Variants in GRM5 observed in about 807,000 individuals in gnomAD.
GRM5 encodes the protein glutamate metabotropic receptor 5.
In GRM5, 19 loss-of-function variants were observed where a neutral mutation model predicts 83.1. The ratio of observed to expected loss-of-function variants is 0.23; its 90% CI spans 0.16 to 0.34. The LOEUF (loss-of-function observed/expected upper bound fraction) is 0.34, where lower values mean the gene tolerates loss of function less well. GRM5 is among the 10% of genes least tolerant of loss of function. GRM5 has a pLI of 1.00. For missense variants in GRM5, 1,160 were observed against 1,588.3 expected (o/e 0.73, Z 4.58); for synonymous variants, 675 against 633.6 (o/e 1.07, Z -0.98).
rs765640373 is a variant in GRM5 at position 88,508,814 on chromosome 11, C to A, written c.3417G>T (p.Ala1139=). 3.9e-6 allele frequency: 6 copies of A among 1,525,868 alleles called. No homozygotes were observed. The highest frequency in any genetic ancestry group is 2.7e-5 in the East Asian group (1 of 37,470). The allele number at this position is 1,525,868 out of a possible 1,614,324, so 94.5% of individuals were successfully genotyped here. A position where few individuals can be genotyped will look rare whatever the true frequency, so the allele number is the denominator to read the frequency against. ...PAAGAQAAGD[A]ARESPAAGPE... ...GACCGGCCGCGGGGCTCTCCCGGGC[C>A]GCGTCCCCAGCCGCCTGCGCCCCTG... The change falls in exon 10 of 10, where the codon GCG becomes GCT. Residue 1139 remains alanine, a synonymous_variant. Coordinates refer to ENST00000305447, the MANE Select transcript of GRM5 (RefSeq NM_001143831.3). This position sits in a 1 kb window ranked among gnomAD's most constrained non-coding sequence, Gnocchi z 4.2.
intron 9 of GRM5, among the ~76,000 whole-genome samples, chr11:88,525,013 C>G (rs745876245): frequency 2.6e-5 from 4 of 152,122 alleles, no homozygotes; most frequent in African/African-American, 9.7e-5. Context: ...ACTCCAGAAC[C>G]GTTTGACCAA....
intron 3 of GRM5, among the ~76,000 whole-genome samples, chr11:88,825,110 T>TA (rs1201365226): frequency 6.6e-6 from 1 of 152,180 alleles, no homozygotes; most frequent in Non-Finnish European, 1.5e-5. Context: ...TTCTTTTTTT[T>TA]AGTTTTTCAT....
chr11:88,548,521 A>C lies in GRM5; in HGVS notation c.2630+18532T>G, dbSNP rs1054794822. ...GAGTGTTTTAGATGCAATTCATCAA[A>C]ATCATCCAGACATAGTCTTTAATAG... is the stretch of plus-strand genomic sequence containing the variant. On this transcript the variant is annotated intron_variant, in intron 8 of 9. Transcript: ENST00000305447. 2.0e-5 allele frequency among the ~76,000 whole-genome samples: 3 copies of C among 152,212 alleles called. No homozygotes were observed. In the East Asian group the frequency reaches 5.8e-4, roughly 29 times the overall value.
chr11:88,998,172 A>G (rs79627561), intron 2 of GRM5, among the ~76,000 whole-genome samples: 5,192 of 152,150 alleles, frequency 0.034, 262 homozygotes, highest in African/African-American at 0.12. Flanking sequence ...TATAACCACA[A>G]AAGTTTTTAA....
intron 2 of GRM5, among the ~76,000 whole-genome samples, chr11:88,914,797 G>A (rs1489450924): frequency 6.6e-6 from 1 of 152,000 alleles, no homozygotes; most frequent in Non-Finnish European, 1.5e-5. Flanking sequence ...AATCATAATA[G>A]GTATTTTTCT....
At chr11:88,851,276 G>T (rs1170682425) in intron 2 of GRM5, among the ~76,000 whole-genome samples, 1 of 152,104 alleles carries the variant, frequency 6.6e-6, no homozygotes, top group Non-Finnish European at 1.5e-5. Flanking sequence ...AGATATATAA[G>T]GGGGATTGCT....
At chr11:89,065,184 A>G (rs1168209806) in intron 1 of GRM5, among the ~76,000 whole-genome samples, 6 of 151,418 alleles carry the variant, frequency 4.0e-5, no homozygotes, top group African/African-American at 1.5e-4. Context: ...GGGGTGAAGC[A>G]CCAGCAACTG....
intron 8 of GRM5, among the ~76,000 whole-genome samples, chr11:88,536,645 C>T (rs370363276): frequency 8.5e-5 from 13 of 152,238 alleles, no homozygotes; most frequent in South Asian, 6.2e-4. Flanking sequence ...CTCAGCTTTT[C>T]GACCTCAGGT....
At chr11:89,004,191 C>T (rs1269671382) in intron 2 of GRM5, among the ~76,000 whole-genome samples, 1 of 152,156 alleles carries the variant, frequency 6.6e-6, no homozygotes, top group African/African-American at 2.4e-5. Flanking sequence ...TAACAACTTT[C>T]TCTTAAATGC....
intron 2 of GRM5, among the ~76,000 whole-genome samples, chr11:88,956,356 G>A (rs1938612099): frequency 6.6e-6 from 1 of 152,190 alleles, no homozygotes; most frequent in South Asian, 2.1e-4. Context: ...GAATTATTTT[G>A]TTGCAAGTAT....
chr11:88,666,243 G>GTAAT (rs1193205211), intron 3 of GRM5, among the ~76,000 whole-genome samples: 1 of 152,170 alleles, frequency 6.6e-6, no homozygotes, highest in African/African-American at 2.4e-5. Context: ...CCACAACTGG[G>GTAAT]TAATTTATAA....
chr11:88,580,096 C>T lies in GRM5; in HGVS notation c.1690+10505G>A, dbSNP rs114713878. On this transcript the variant is annotated intron_variant, in intron 7 of 9. Transcript: ENST00000305447. ...TTATTGGTCTTACCTAATGAAAGAA[C>T]GGGTTTATTATCAGATGAAATGTAA... Among the ~76,000 whole-genome samples, 1,127 of 152,158 alleles carry T rather than the reference C, an allele frequency of 7.4e-3. 11 individuals carry two copies. The highest frequency in any genetic ancestry group is 0.026 in the African/African-American group (1,088 of 41,500).
At chr11:88,673,792 A>T (rs564059321) in intron 3 of GRM5, among the ~76,000 whole-genome samples, 1 of 151,920 alleles carries the variant, frequency 6.6e-6, no homozygotes, top group Non-Finnish European at 1.5e-5. Flanking sequence ...AGTAGAAAAC[A>T]TGAACCCAGG....
chr11:88,748,075 G>A (rs1054637002), intron 3 of GRM5, among the ~76,000 whole-genome samples: 3 of 152,152 alleles, frequency 2.0e-5, no homozygotes, highest in Non-Finnish European at 4.4e-5. Flanking sequence ...GGCAAGGGAA[G>A]CAGTAAGTGA....
At chr11:88,815,359 A>C (rs1943658146) in intron 3 of GRM5, among the ~76,000 whole-genome samples, 1 of 152,240 alleles carries the variant, frequency 6.6e-6, no homozygotes, top group Admixed American at 6.5e-5. Context: ...AATGAAAATC[A>C]GAAGATATTT....
intron 3 of GRM5, among the ~76,000 whole-genome samples, chr11:88,694,921 C>T (rs2135364762): frequency 6.6e-6 from 1 of 152,268 alleles, no homozygotes; most frequent in African/African-American, 2.4e-5. Context: ...ACATGAAAAA[C>T]TGAGATCTTC....
intron 3 of GRM5, among the ~76,000 whole-genome samples, chr11:88,778,278 C>T (rs1391559831): frequency 6.6e-6 from 1 of 152,250 alleles, no homozygotes; most frequent in Non-Finnish European, 1.5e-5. Flanking sequence ...GGGAGAGAAT[C>T]ACCTTGTCTG....
chr11:89,010,763 T>C (rs1297652213), intron 2 of GRM5, among the ~76,000 whole-genome samples: 2 of 150,634 alleles, frequency 1.3e-5, no homozygotes, highest in South Asian at 2.1e-4. Flanking sequence ...AATGGGAGAA[T>C]AGTTATTAGA....
intron 3 of GRM5, among the ~76,000 whole-genome samples, chr11:88,725,848 C>CA (rs1477668989): frequency 6.7e-6 from 1 of 149,860 alleles, no homozygotes; most frequent in African/African-American, 2.4e-5. Flanking sequence ...TCAACATCAA[C>CA]AAAAAGGATG....
Sources: gnomAD v4.1 joint callset for allele counts (sites outside exome capture counted in the v4.1 genomes callset) on GRCh38, gnomAD v4.1.1 for gene constraint, Gnocchi (gnomAD v3.1) non-coding constraint, MANE v1.5 for transcripts, NCBI Gene and HGNC (gene_info 2026-07-23, HGNC 2026-07-21) for gene names.